THAP6: variants seen among roughly 807,000 people sequenced by gnomAD.
THAP6 encodes the protein THAP domain containing 6, also known as THAP domain-containing protein 6.
A neutral mutation model predicts 20.0 loss-of-function variants in THAP6; 13 were observed. The observed-to-expected ratio is 0.65, with a 90% CI of 0.42 to 1.03. The LOEUF (loss-of-function observed/expected upper bound fraction) is 1.03, where lower values mean the gene tolerates loss of function less well. Ranked by LOEUF, THAP6 falls within the 50% of genes least tolerant of loss-of-function variation. The pLI is 0.00. For missense variants in THAP6, 262 were observed against 261.6 expected (o/e 1.00, Z -0.01); for synonymous variants, 93 against 92.2 (o/e 1.01, Z -0.05).
At chr4:75,542,640 G>A in intron 3 of THAP6, 1 of 566,232 alleles carries the variant, frequency 1.8e-6, no homozygotes, top group Non-Finnish European at 3.1e-6. Context: ...TTCACAGCTG[G>A]TATAACGATG....
At chr4:75,517,271 G>A (rs374688648) in intron 3 of THAP6, 37 of 240,304 alleles carry the variant, frequency 1.5e-4, no homozygotes, top group Middle Eastern at 2.9e-3. Context: ...CCTCCTCGGC[G>A]TCCCAAAGTG....
upstream of THAP6, chr4:75,514,010 G>T: frequency 1.2e-6 from 1 of 811,654 alleles, no homozygotes; most frequent in Non-Finnish European, 1.8e-6. Context: ...TACGAAGCAG[G>T]TAGGAAAGGT....
downstream of THAP6, chr4:75,530,108 C>T (rs935539382): frequency 4.1e-6 from 4 of 981,868 alleles, no homozygotes; most frequent in Non-Finnish European, 4.8e-6. Context: ...AGGTTTTGCT[C>T]TAATTTCTCC....
chr4:75,533,411 A>T (rs1349898002), downstream of THAP6, among the ~76,000 whole-genome samples: 1 of 152,162 alleles, frequency 6.6e-6, no homozygotes, highest in East Asian at 1.9e-4. Context: ...AGGGAGTTCC[A>T]AACTTTCCCA....
downstream of THAP6, among the ~76,000 whole-genome samples, chr4:75,533,636 C>T (rs1042848915): frequency 1.3e-5 from 2 of 152,250 alleles, no homozygotes; most frequent in Non-Finnish European, 2.9e-5. Flanking sequence ...TACAGTTCCA[C>T]ATGGCTGGGG....
rs986983407 is a variant in THAP6 at position 75,539,947 on chromosome 4, C to G, written c.166-2462C>G. On this transcript the variant is annotated intron_variant, in intron 2 of 4. Coordinates refer to the THAP6 transcript ENST00000502620. Reference sequence around the variant, plus strand: ...TCATAGGGAATGGCAAGTGGACAGGCAACAGTGGTCAGGTAGGCTATTTGT... The same window carrying G: ...TCATAGGGAATGGCAAGTGGACAGGGAACAGTGGTCAGGTAGGCTATTTGT... 2.0e-6 allele frequency: 3 copies of G among 1,535,900 alleles called. No individual in the cohort carries two copies. In the South Asian group the frequency reaches 3.6e-5, roughly 18 times the overall value.
chr4:75,522,873 G>A (rs532670717), intron 4 of THAP6, among the ~76,000 whole-genome samples: 6 of 151,868 alleles, frequency 4.0e-5, no homozygotes, highest in Admixed American at 1.3e-4. Context: ...TCCAAATATC[G>A]GCTATTGTGA....
At chr4:75,547,062 G>A (rs1727141742) in intron 3 of THAP6, among the ~76,000 whole-genome samples, 1 of 152,142 alleles carries the variant, frequency 6.6e-6, no homozygotes, top group Admixed American at 6.6e-5. Context: ...AAAGACCCCT[G>A]GGTAAAGCCA....
intron 3 of THAP6, among the ~76,000 whole-genome samples, chr4:75,544,055 A>AT (rs1727070405): frequency 6.6e-6 from 1 of 152,182 alleles, no homozygotes; most frequent in African/African-American, 2.4e-5. Context: ...ATTTCTCAGA[A>AT]TAAACCAAAC....
At chr4:75,532,854 C>T (rs968348606), downstream of THAP6, among the ~76,000 whole-genome samples, 2 of 152,190 alleles carry the variant, frequency 1.3e-5, no homozygotes, top group African/African-American at 4.8e-5. Context: ...CCCTGGGCTG[C>T]ACACAACACG....
intron 3 of THAP6, among the ~76,000 whole-genome samples, chr4:75,546,948 T>G (rs952595086): frequency 6.6e-6 from 1 of 152,180 alleles, no homozygotes; most frequent in African/African-American, 2.4e-5. Context: ...CCCAGCCAAG[T>G]TGGCACATCA....
At chr4:75,514,168 G>T (rs1259570645), upstream of THAP6, 28 of 1,591,232 alleles carry the variant, frequency 1.8e-5, no homozygotes, top group Non-Finnish European at 2.2e-5. Context: ...ACGGAAGCTT[G>T]TCAGGGAAGA....
intron 3 of THAP6, among the ~76,000 whole-genome samples, chr4:75,521,460 A>G (rs186932399): frequency 6.6e-6 from 1 of 152,082 alleles, no homozygotes. Flanking sequence ...TCCTAACAAA[A>G]GAACACACTG....
chr4:75,542,224 C>T (rs544790384), intron 2 of THAP6, among the ~76,000 whole-genome samples: 17 of 152,264 alleles, frequency 1.1e-4, no homozygotes, highest in African/African-American at 3.9e-4. Context: ...CCAGCAGAAC[C>T]CTACAAATGA....
At chr4:75,531,510 T>C (rs1038019666), downstream of THAP6, among the ~76,000 whole-genome samples, 1 of 152,232 alleles carries the variant, frequency 6.6e-6, no homozygotes, top group African/African-American at 2.4e-5. Flanking sequence ...TAGTGAATCA[T>C]GAAACTTGTG....
intron 2 of THAP6, among the ~76,000 whole-genome samples, chr4:75,538,506 T>C (rs925656202): frequency 6.3e-4 from 96 of 151,978 alleles, no homozygotes; most frequent in African/African-American, 2.3e-3. Context: ...AGAAAAAATA[T>C]TCTATCCCTA....
At position 75,528,803 on chromosome 4, in the gene THAP6, C is replaced by T. The variant is rs1466771068; in HGVS notation, c.*1589C>T. ...GTGGCTCATACCTGTAATCCTAGCA[C>T]TTTGGGAGGCCAAGGCAGGCAGATC... is the stretch of plus-strand genomic sequence containing the variant. On this transcript the variant is annotated 3_prime_UTR_variant, in exon 5 of 5. Coordinates refer to ENST00000311638, the MANE Select transcript of THAP6 (RefSeq NM_144721.6). 2.0e-5 allele frequency: 20 copies of T among 977,524 alleles called. No homozygotes were observed. The South Asian group carries it at 9.0e-4, about 44-fold the overall frequency. The allele number at this position is 977,524 out of a possible 1,614,324, so 60.6% of individuals were successfully genotyped here. A position where few individuals can be genotyped will look rare whatever the true frequency, so the allele number is the denominator to read the frequency against.
Position 75,523,391 on chromosome 4 carries a change from T to C in THAP6, c.414+1530T>C, listed in dbSNP as rs540336027. On this transcript the variant is annotated intron_variant, in intron 4 of 4. Transcript: ENST00000311638. Reference sequence around the variant, plus strand: ...ATAGTTTGCAAACATTTTGTCCCATTCTGTGGGTTGTCTCTTCACTTTGTT... The same window carrying C: ...ATAGTTTGCAAACATTTTGTCCCATCCTGTGGGTTGTCTCTTCACTTTGTT... Among the ~76,000 whole-genome samples the C allele has an allele frequency of 3.4e-3, 511 of 152,336 alleles. 2 individuals carry two copies. Among genetic ancestry groups the C allele is most frequent in the South Asian group, 0.012 (57 of 4,832 alleles).
At chr4:75,514,395 C>A (rs918328418), upstream of THAP6, 9 of 1,276,250 alleles carry the variant, frequency 7.1e-6, no homozygotes, top group Non-Finnish European at 8.5e-6. Context: ...CGGCCACTAG[C>A]GACAATATGG....
Sources: allele counts gnomAD v4.1 joint callset (sites outside exome capture counted in the v4.1 genomes callset), GRCh38; gene constraint gnomAD v4.1.1; transcripts MANE v1.5; gene names NCBI Gene and HGNC (gene_info 2026-07-23, HGNC 2026-07-21).